LSM8: variants seen among roughly 807,000 people sequenced by gnomAD.
LSM8 encodes the protein LSM8 homolog, U6 small nuclear RNA associated.
In LSM8, 14 loss-of-function variants were observed where a neutral mutation model predicts 15.0. The ratio of observed to expected loss-of-function variants is 0.93; its 90% CI spans 0.62 to 1.46. LSM8 has a LOEUF of 1.46. LSM8 is among the 40% of genes most tolerant of loss of function. The pLI is 0.00. For synonymous variants in LSM8, 50 were observed against 42.1 expected (o/e 1.19, Z -0.73); for missense variants, 90 against 115.4 (o/e 0.78, Z 1.01).
At position 118,200,155 on chromosome 7, in the gene LSM8, C is replaced by T. The variant is rs1403288964; in HGVS notation, c.*8153C>T. Among the ~76,000 whole-genome samples, 2 of 152,152 alleles carry T rather than the reference C, an allele frequency of 1.3e-5. No individual in the cohort carries two copies. The highest frequency in any genetic ancestry group is 2.9e-5 in the Non-Finnish European group (2 of 68,012). ...CCTTTCAAGCAACATGTTTTTCTGA[C>T]TTCCAAATATAAACAACCTAAGCAT... On this transcript the variant is annotated 3_prime_UTR_variant, in exon 4 of 4. Transcript: ENST00000249299.
rs1055071223 is a variant in LSM8, at chr7:118,198,009, A to G, written c.*6007A>G. Among the ~76,000 whole-genome samples, 42 of 152,322 alleles carry G rather than the reference A, an allele frequency of 2.8e-4. No homozygotes were observed. The highest frequency in any genetic ancestry group is 8.7e-4 in the African/African-American group (36 of 41,574). On this transcript the variant is annotated 3_prime_UTR_variant, in exon 4 of 4. Coordinates refer to ENST00000249299, the MANE Select transcript of LSM8 (RefSeq NM_016200.5). The stretch of plus-strand genomic sequence containing the variant: ...ATTGTGGCCTAGGAAAAGTACTAAG[A>G]AGTAATTGATAGCATTCCCTGATAA...
chr7:118,186,177 A>G (rs752698695), intron 2 of LSM8, among the ~76,000 whole-genome samples: 5 of 151,464 alleles, frequency 3.3e-5, no homozygotes, highest in Admixed American at 6.6e-5. Flanking sequence ...CTATATATAC[A>G]CATATATATG....
In LSM8 at chr7:118,203,480, C is replaced by A. The variant is rs868069829; in HGVS notation, c.*11478C>A. ...ATGGTTGTTTAGTAGAGATTAATATCTAAATAAGGAAAATGAAGAAAGGGA... is the reference window on the plus strand; with the variant it reads ...ATGGTTGTTTAGTAGAGATTAATATATAAATAAGGAAAATGAAGAAAGGGA... On this transcript the variant is annotated 3_prime_UTR_variant, in exon 4 of 4. Transcript: ENST00000249299. 2.2e-4 allele frequency among the ~76,000 whole-genome samples: 34 copies of A among 151,656 alleles called. No individual in the cohort carries two copies. The highest frequency in any genetic ancestry group is 7.2e-4 in the African/African-American group (30 of 41,422).
Position 118,184,189 on chromosome 7 carries a change from C to G in LSM8, c.-35C>G, listed in dbSNP as rs908034202. On this transcript the variant is annotated 5_prime_UTR_variant, in exon 1 of 4. Transcript: ENST00000249299. ...CTTTCAGTTCTGCTTGCTGTCGGCACCGCTGCGTTACCCGGAACCGCCGGG... is the reference window on the plus strand; with the variant it reads ...CTTTCAGTTCTGCTTGCTGTCGGCAGCGCTGCGTTACCCGGAACCGCCGGG... 4 of 1,543,260 alleles carry G rather than the reference C, an allele frequency of 2.6e-6. No homozygotes were observed. Among genetic ancestry groups the G allele is most frequent in the Non-Finnish European group, 3.5e-6 (4 of 1,143,282 alleles).
In LSM8 at chr7:118,192,126, T is replaced by C. The variant is rs1018045589; in HGVS notation, c.*124T>C. 51 of 538,392 alleles carry C rather than the reference T, an allele frequency of 9.5e-5. No individual in the cohort carries two copies. The highest frequency in any genetic ancestry group is 2.7e-5 in the Non-Finnish European group (9 of 339,192). The allele number at this position is 538,392 out of a possible 1,614,324, so 33.4% of individuals were successfully genotyped here. ...GACTCCTTATTGATTCATTGTAATATGTAAATTAAAATATTTCTACATTTT... is the reference window on the plus strand; with the variant it reads ...GACTCCTTATTGATTCATTGTAATACGTAAATTAAAATATTTCTACATTTT... On this transcript the variant is annotated 3_prime_UTR_variant, in exon 4 of 4. Coordinates refer to ENST00000249299, the MANE Select transcript of LSM8 (RefSeq NM_016200.5).
intron 2 of LSM8, among the ~76,000 whole-genome samples, chr7:118,187,764 G>C (rs996881014): frequency 6.6e-6 from 1 of 152,088 alleles, no homozygotes; most frequent in Non-Finnish European, 1.5e-5. Flanking sequence ...CTTTGAAATG[G>C]GGCTAATTAT....
chr7:118,198,950 A>G lies in LSM8; in HGVS notation c.*6948A>G, dbSNP rs1271174309. Among the ~76,000 whole-genome samples the G allele has an allele frequency of 6.6e-6, 1 of 152,076 alleles. No homozygotes were observed. Among genetic ancestry groups the G allele is most frequent in the Non-Finnish European group, 1.5e-5 (1 of 68,012 alleles). ...GGGAACTGAATATTTATGTGACTGA[A>G]CCCTCATAAAAACCCTGAACACCAA... On this transcript the variant is annotated 3_prime_UTR_variant, in exon 4 of 4. Transcript: ENST00000249299.
At chr7:118,191,709 T>C (rs1329925885) in intron 3 of LSM8, 1 of 501,172 alleles carries the variant, frequency 2.0e-6, no homozygotes, top group African/African-American at 1.9e-5. Flanking sequence ...CTTCAAATTA[T>C]TTCTTGAGTT....
In LSM8 at chr7:118,184,181, T is replaced by G; in HGVS notation, c.-43T>G. The G allele has an allele frequency of 1.9e-6, 3 of 1,544,676 alleles. No homozygotes were observed. The South Asian group carries it at 3.6e-5, about 18-fold the overall frequency. ...GGCGCGCCCTTTCAGTTCTGCTTGC[T>G]GTCGGCACCGCTGCGTTACCCGGAA... On this transcript the variant is annotated 5_prime_UTR_variant, in exon 1 of 4. Transcript: ENST00000249299.
rs1251062471 is a variant in LSM8, at chr7:118,188,295, T to C, written c.90T>C (p.Phe30=). The change falls in exon 3 of 4, where the codon TTT becomes TTC. Residue 30 remains phenylalanine, a synonymous_variant. Transcript: ENST00000249299. ...GRMIVGTLKG[F]DQTINLILDE... ...CTTTACAGGGAACACTGAAAGGTTT[T>C]GACCAGACCATTAATTTGATTTTGG... The C allele has an allele frequency of 3.1e-6, 5 of 1,613,664 alleles. No homozygotes were observed. Among genetic ancestry groups the C allele is most frequent in the Non-Finnish European group, 4.2e-6 (5 of 1,179,660 alleles).
rs930341026 is a variant in LSM8 at position 118,202,497 on chromosome 7, A to C, written c.*10495A>C. Among the ~76,000 whole-genome samples the C allele has an allele frequency of 6.6e-6, 1 of 152,044 alleles. No homozygotes were observed. Among genetic ancestry groups the C allele is most frequent in the Non-Finnish European group, 1.5e-5 (1 of 67,954 alleles). Reference sequence around the variant, plus strand: ...GACTCATATTTTCCATCTAATTAGAATAAAGAAAGATGAAATAGGAAAGTG... The same window carrying C: ...GACTCATATTTTCCATCTAATTAGACTAAAGAAAGATGAAATAGGAAAGTG... On this transcript the variant is annotated 3_prime_UTR_variant, in exon 4 of 4. Transcript: ENST00000249299.
intron 2 of LSM8, among the ~76,000 whole-genome samples, chr7:118,186,669 C>G (rs947294286): frequency 6.6e-6 from 1 of 152,220 alleles, no homozygotes; most frequent in African/African-American, 2.4e-5. Context: ...AGGTGACTCA[C>G]TTTCTCAGAG....
intron 1 of LSM8, 182 bp downstream of exon 1, chr7:118,184,436 C>T (rs1176334998): frequency 3.2e-6 from 2 of 625,224 alleles, no homozygotes; most frequent in East Asian, 6.9e-5. Context: ...GCTGCGGGCC[C>T]AGGGGTCCTT....
At position 118,202,694 on chromosome 7, in the gene LSM8, C is replaced by T. The variant is rs1388587971; in HGVS notation, c.*10692C>T. ...TTCCTTTTATAGTGACATTTTGCCA[C>T]TCCAAATAAAAAAAGGGTTGCTGTT... On this transcript the variant is annotated 3_prime_UTR_variant, in exon 4 of 4. Coordinates refer to ENST00000249299, the MANE Select transcript of LSM8 (RefSeq NM_016200.5). 6.6e-6 allele frequency among the ~76,000 whole-genome samples: 1 copy of T among 151,466 alleles called. No homozygotes were observed. Among genetic ancestry groups the T allele is most frequent in the Non-Finnish European group, 1.5e-5 (1 of 67,806 alleles).
rs913709457 is a variant in LSM8 at position 118,202,407 on chromosome 7, C to CAGT, written c.*10407_*10409dup. Among the ~76,000 whole-genome samples the CAGT allele has an allele frequency of 1.3e-5, 2 of 151,904 alleles. No individual in the cohort carries two copies. Among genetic ancestry groups the CAGT allele is most frequent in the African/African-American group, 4.8e-5 (2 of 41,372 alleles). The stretch of plus-strand genomic sequence containing the variant: ...GGGGCACCTACTCAAAGAAGTGACC[C>CAGT]AGTACCCAGGCCACTATTTTCTCTT... On this transcript the variant is annotated 3_prime_UTR_variant, in exon 4 of 4. Coordinates refer to ENST00000249299, the MANE Select transcript of LSM8 (RefSeq NM_016200.5).
At position 118,198,450 on chromosome 7, in the gene LSM8, C is replaced by G. The variant is rs201705043; in HGVS notation, c.*6448C>G. Among the ~76,000 whole-genome samples, 2 of 150,554 alleles carry G rather than the reference C, an allele frequency of 1.3e-5. No individual in the cohort carries two copies. The highest frequency in any genetic ancestry group is 2.4e-5 in the African/African-American group (1 of 41,380). On this transcript the variant is annotated 3_prime_UTR_variant, in exon 4 of 4. Coordinates refer to ENST00000249299, the MANE Select transcript of LSM8 (RefSeq NM_016200.5). ...ACAACTCATTAGTAATCCTTCATTT[C>G]CTGAGTATTTACTGCATGACAGTAA...
chr7:118,190,096 C>T (rs1055969181), intron 3 of LSM8: 3 of 152,166 alleles, frequency 2.0e-5, no homozygotes, highest in African/African-American at 7.2e-5. Flanking sequence ...AGGGGACTAA[C>T]TGTCCCCTGG....
In LSM8 at chr7:118,192,074, G is replaced by A. The variant is rs2115924404; in HGVS notation, c.*72G>A. 3.6e-6 allele frequency: 4 copies of A among 1,110,582 alleles called. No individual in the cohort carries two copies. The highest frequency in any genetic ancestry group is 5.2e-6 in the Non-Finnish European group (4 of 770,832). 68.8% of individuals were successfully genotyped at this position (1,110,582 alleles called of 1,614,324 possible). A position where few individuals can be genotyped will look rare whatever the true frequency, so the allele number is the denominator to read the frequency against. On this transcript the variant is annotated 3_prime_UTR_variant, in exon 4 of 4. Coordinates refer to ENST00000249299, the MANE Select transcript of LSM8 (RefSeq NM_016200.5). ...GATTATTCTGAGGATGATATATGGAGTTTTTATGAGTGTGTCACTGGATTT... is the reference window on the plus strand; with the variant it reads ...GATTATTCTGAGGATGATATATGGAATTTTTATGAGTGTGTCACTGGATTT...
rs1165404374 is a variant in LSM8 at position 118,200,448 on chromosome 7, A to T, written c.*8446A>T. Among the ~76,000 whole-genome samples the T allele has an allele frequency of 6.6e-6, 1 of 152,152 alleles. No individual in the cohort carries two copies. The highest frequency in any genetic ancestry group is 1.5e-5 in the Non-Finnish European group (1 of 68,018). ...GCAATATTCACATGACATCTTTCGG[A>T]TCTGGAATCTTAATTACCATTAGGT... On this transcript the variant is annotated 3_prime_UTR_variant, in exon 4 of 4. Coordinates refer to ENST00000249299, the MANE Select transcript of LSM8 (RefSeq NM_016200.5).
Sources: gnomAD v4.1 joint callset for allele counts (sites outside exome capture counted in the v4.1 genomes callset) on GRCh38, gnomAD v4.1.1 for gene constraint, MANE v1.5 for transcripts, NCBI Gene and HGNC (gene_info 2026-07-23, HGNC 2026-07-21) for gene names.